Variants in PAPOLA observed in about 807,000 individuals in gnomAD.
The protein encoded by PAPOLA is polynucleotide adenylyltransferase alpha.
In PAPOLA, 15 loss-of-function variants were observed where a neutral mutation model predicts 100.6. The ratio of observed to expected loss-of-function variants is 0.15; its 90% CI spans 0.10 to 0.23. The LOEUF is 0.23. Among genes scored for constraint, PAPOLA ranks in the 10% least tolerant of loss-of-function variants. The pLI is 1.00. For synonymous variants in PAPOLA, 293 were observed against 300.0 expected (o/e 0.98, Z 0.24); for missense variants, 533 against 884.2 (o/e 0.60, Z 5.04).
chr14:96,553,512 A>AC (rs1901026633), intron 17 of PAPOLA: 1 of 129,670 alleles, frequency 7.7e-6, no homozygotes, highest in South Asian at 2.4e-4. Flanking sequence ...ACCCTGTCTT[A>AC]AAAAAAAAAA....
chr14:96,506,787 C>G (rs1896745293), intron 1 of PAPOLA, among the ~76,000 whole-genome samples: 1 of 152,134 alleles, frequency 6.6e-6, no homozygotes, highest in Non-Finnish European at 1.5e-5. Context: ...GTAATAAAAT[C>G]ATATGTGCAT....
At position 96,525,543 on chromosome 14, in the gene PAPOLA, A is replaced by G; in HGVS notation, c.331+152A>G. ...CTAAATTTTTCAGTAAGAAAGATGT[A>G]AAATAATGCTGACTTCTATATCGCC... On this transcript the variant is annotated intron_variant, in intron 4 of 21. Coordinates refer to ENST00000216277, the MANE Select transcript of PAPOLA (RefSeq NM_032632.5). The G allele has an allele frequency of 9.8e-6, 5 of 509,040 alleles. No individual in the cohort carries two copies. In the South Asian group the frequency reaches 1.3e-4, roughly 13 times the overall value. The allele number at this position is 509,040 out of a possible 1,614,324, so 31.5% of individuals were successfully genotyped here. A position where few individuals can be genotyped will look rare whatever the true frequency, so the allele number is the denominator to read the frequency against.
In PAPOLA at chr14:96,544,377, C is replaced by T; in HGVS notation, c.1399+119C>T. 6.6e-6 allele frequency: 4 copies of T among 605,710 alleles called. No individual in the cohort carries two copies. In the South Asian group the frequency reaches 8.1e-5, roughly 12 times the overall value. The allele number at this position is 605,710 out of a possible 1,614,324, so 37.5% of individuals were successfully genotyped here. A position where few individuals can be genotyped will look rare whatever the true frequency, so the allele number is the denominator to read the frequency against. ...AAATTACTTGCGAATATTGAACTAT[C>T]ATCAGAATAATGGTTTTGTATTAGT... is the stretch of plus-strand genomic sequence containing the variant. On this transcript the variant is annotated intron_variant, in intron 15 of 21. Coordinates refer to ENST00000216277, the MANE Select transcript of PAPOLA (RefSeq NM_032632.5).
intron 3 of PAPOLA, among the ~76,000 whole-genome samples, chr14:96,521,840 C>T (rs1897992973): frequency 6.6e-6 from 1 of 152,094 alleles, no homozygotes; most frequent in Admixed American, 6.6e-5. Flanking sequence ...GAGACAGAGT[C>T]TCACTCTGTC....
chr14:96,562,791 C>G (rs935349999), intron 20 of PAPOLA, 28 bp from the exon 21 acceptor site: 1 of 1,402,744 alleles, frequency 7.1e-7, no homozygotes. Context: ...GTCTCTTTTC[C>G]CCCTTCCCCA....
intron 17 of PAPOLA, among the ~76,000 whole-genome samples, chr14:96,555,233 T>C (rs902823601): frequency 2.0e-5 from 3 of 149,710 alleles, no homozygotes; most frequent in African/African-American, 4.9e-5. Flanking sequence ...TTTTTAATAA[T>C]ATAGGTTTTT....
At chr14:96,554,943 A>G (rs1343402424) in intron 17 of PAPOLA, among the ~76,000 whole-genome samples, 1 of 152,100 alleles carries the variant, frequency 6.6e-6, no homozygotes, top group Non-Finnish European at 1.5e-5. Context: ...ATTTGGGGTA[A>G]TACTTGGCTA....
chr14:96,512,185 T>C (rs1022160395), intron 1 of PAPOLA, among the ~76,000 whole-genome samples: 9 of 152,190 alleles, frequency 5.9e-5, no homozygotes, highest in Non-Finnish European at 1.2e-4. Flanking sequence ...TTATAAAATA[T>C]AAGGTAAAAT....
chr14:96,533,438 T>TA, intron 9 of PAPOLA: 2 of 981,494 alleles, frequency 2.0e-6, no homozygotes, highest in Non-Finnish European at 2.4e-6. Flanking sequence ...GGAGGAAAAA[T>TA]AAAAAAAATT....
At chr14:96,511,503 A>G (rs1897107834) in intron 1 of PAPOLA, among the ~76,000 whole-genome samples, 1 of 152,244 alleles carries the variant, frequency 6.6e-6, no homozygotes, top group South Asian at 2.1e-4. Flanking sequence ...TCGTCTGCCT[A>G]GATTACGCCT....
intron 1 of PAPOLA, among the ~76,000 whole-genome samples, chr14:96,510,914 A>G (rs996289766): frequency 6.6e-6 from 1 of 152,224 alleles, no homozygotes; most frequent in Admixed American, 6.5e-5. Context: ...TTGGCTAATA[A>G]TTAATATTTA....
intron 1 of PAPOLA, 80 bp from the exon 2 acceptor site, chr14:96,519,975 A>G (rs1476407662): frequency 1.7e-6 from 2 of 1,191,668 alleles, no homozygotes; most frequent in Non-Finnish European, 2.4e-6. Context: ...TGTGTTACTA[A>G]ATTAGTTTTT....
intron 12 of PAPOLA, chr14:96,537,406 A>G (rs1224542692): frequency 1.1e-5 from 2 of 180,796 alleles, no homozygotes; most frequent in Admixed American, 5.7e-5. Context: ...AAGAAACAGT[A>G]TTTTTATCTA....
chr14:96,516,154 A>G (rs756335397), intron 1 of PAPOLA, among the ~76,000 whole-genome samples: 22 of 152,210 alleles, frequency 1.4e-4, no homozygotes, highest in Non-Finnish European at 2.6e-4. Context: ...TACAATATTT[A>G]ATGTTTCTAC....
Position 96,547,655 on chromosome 14 carries a change from A to G in PAPOLA, c.1400-142A>G, listed in dbSNP as rs1900494142. On this transcript the variant is annotated intron_variant, in intron 15 of 21. Coordinates refer to ENST00000216277, the MANE Select transcript of PAPOLA (RefSeq NM_032632.5). ...TTGCTCAGGCAATGAATTATGTCAG[A>G]TTAGGAATAGGTCTTGACCGATCTA... The G allele has an allele frequency of 5.3e-6, 3 of 570,606 alleles. 1 individual carries two copies. In the South Asian group the frequency reaches 8.1e-5, roughly 15 times the overall value. The allele number at this position is 570,606 out of a possible 1,614,324, so 35.3% of individuals were successfully genotyped here. A position where few individuals can be genotyped will look rare whatever the true frequency, so the allele number is the denominator to read the frequency against.
chr14:96,504,958 C>T (rs1771335797), intron 1 of PAPOLA, among the ~76,000 whole-genome samples: 2 of 152,022 alleles, frequency 1.3e-5, no homozygotes, highest in South Asian at 2.1e-4. Flanking sequence ...GGTGAGTTGT[C>T]GGAATGAATT....
intron 15 of PAPOLA, 104 bp from the exon 16 acceptor site, chr14:96,547,693 A>G (rs559955989): frequency 3.4e-5 from 27 of 803,498 alleles, no homozygotes; most frequent in Non-Finnish European, 4.9e-5. Flanking sequence ...GATATGCAGT[A>G]TTGATGGAAA....
chr14:96,534,245 T>A (rs971060496), intron 9 of PAPOLA: 4 of 1,323,006 alleles, frequency 3.0e-6, no homozygotes, highest in Non-Finnish European at 3.8e-6. Flanking sequence ...CCTTTAAAGT[T>A]CTTTGAGTGG....
At chr14:96,527,381 A>T in intron 4 of PAPOLA, 49 bp from the exon 5 acceptor site, 1 of 1,100,710 alleles carries the variant, frequency 9.1e-7, no homozygotes, top group Non-Finnish European at 1.4e-6. Context: ...GATGCAAAAT[A>T]ATTTTCTTGT....
Sources: allele counts gnomAD v4.1 joint callset (sites outside exome capture counted in the v4.1 genomes callset), GRCh38; gene constraint gnomAD v4.1.1; transcripts MANE v1.5; gene names NCBI Gene and HGNC (gene_info 2026-07-23, HGNC 2026-07-21).